Variants in GLIS1 observed in about 807,000 individuals in gnomAD.
The protein encoded by GLIS1 is GLIS family zinc finger 1.
GLIS1 carries 24 observed loss-of-function variants against 63.8 expected under a neutral mutation model. The observed-to-expected ratio is 0.38, with a 90% confidence interval of 0.27 to 0.53. The LOEUF is 0.53. GLIS1 is among the 20% of genes least tolerant of loss of function. The probability of loss-of-function intolerance (pLI) is 0.85; values close to 1 mark genes in which losing one functional copy is unlikely to be tolerated. For missense variants in GLIS1, 1,036 were observed against 1,074.1 expected, an observed-to-expected ratio of 0.96 and a Z score of 0.50; for synonymous variants, 450 against 482.5, an observed-to-expected ratio of 0.93 and a Z score of 0.88.
chr1:53,627,324 C>G (rs1015783696), intron 2 of GLIS1, among the ~76,000 whole-genome samples: 1 of 152,170 alleles, frequency 6.6e-6, no homozygotes, highest in African/African-American at 2.4e-5. Flanking sequence ...TTTAAAGTCA[C>G]CTAAGGCAGT....
intron 2 of GLIS1, among the ~76,000 whole-genome samples, chr1:53,655,981 C>G (rs566054564): frequency 6.6e-6 from 1 of 152,298 alleles, no homozygotes; most frequent in African/African-American, 2.4e-5. Context: ...AGCTTGGGCC[C>G]AAACCCAGGA....
intron 2 of GLIS1, among the ~76,000 whole-genome samples, chr1:53,620,755 C>T (rs562552807): frequency 6.6e-6 from 1 of 152,290 alleles, no homozygotes; most frequent in African/African-American, 2.4e-5. Flanking sequence ...AATCCCGGAG[C>T]CAGGCTGGAG....
At chr1:53,556,565 G>GC (rs1553123488) in intron 4 of GLIS1, among the ~76,000 whole-genome samples, 1 of 38,572 alleles carries the variant, frequency 2.6e-5, no homozygotes, top group Non-Finnish European at 3.9e-5. Flanking sequence ...GTGTACTGCA[G>GC]GGGTGTGTGT....
At chr1:53,530,951 C>T (rs1223175264) in intron 4 of GLIS1, among the ~76,000 whole-genome samples, 1 of 152,202 alleles carries the variant, frequency 6.6e-6, no homozygotes, top group East Asian at 1.9e-4. Flanking sequence ...CCTGCTACAT[C>T]CAGGTGTGGT....
intron 2 of GLIS1, among the ~76,000 whole-genome samples, chr1:53,614,174 C>T (rs1300488085): frequency 6.6e-6 from 1 of 152,182 alleles, no homozygotes; most frequent in African/African-American, 2.4e-5. Flanking sequence ...AGTCTCTACT[C>T]TTATGCGGTT....
intron 6 of GLIS1, among the ~76,000 whole-genome samples, chr1:53,521,113 T>A (rs1392956227): frequency 2.0e-5 from 3 of 151,670 alleles, no homozygotes; most frequent in African/African-American, 4.8e-5. Context: ...ACTCAGGGAG[T>A]CCTCAGCAGC....
intron 10 of GLIS1, 122 bp downstream of exon 10, chr1:53,508,998 A>G: frequency 1.0e-6 from 1 of 977,188 alleles, no homozygotes; most frequent in South Asian, 1.9e-5. Context: ...CCCCTCTGTA[A>G]AGTGGGGATG....
At chr1:53,684,417 T>C (rs1163257866) in intron 2 of GLIS1, among the ~76,000 whole-genome samples, 2 of 152,128 alleles carry the variant, frequency 1.3e-5, no homozygotes, top group African/African-American at 4.8e-5. Context: ...TCCTGGGCTT[T>C]TTGTGGTCAG....
At chr1:53,687,113 T>C (rs1646345576) in intron 2 of GLIS1, among the ~76,000 whole-genome samples, 1 of 152,070 alleles carries the variant, frequency 6.6e-6, no homozygotes, top group South Asian at 2.1e-4. Flanking sequence ...GAACCCGGAA[T>C]CTCCTGAAGT....
Position 53,594,241 on chromosome 1 carries a change from A to C in GLIS1, c.1187T>G (p.Ile396Ser). ...GAAGTCCTCGCCCTTGCGCTGGTCG[A>C]TGTGGCTCTTCTCGATGTGCCGCAC... is the stretch of plus-strand genomic sequence containing the variant. Reference protein sequence around the residue: ...ELVRHIEKSHIDQRKGEDFTC... With the variant: ...ELVRHIEKSHSDQRKGEDFTC... Residue 396 changes from isoleucine (I) to serine (S), a missense_variant, in exon 4 of 11, where the codon ATC (isoleucine) becomes AGC (serine). Transcript: ENST00000628545. 1 of 1,613,758 alleles carries C rather than the reference A, an allele frequency of 6.2e-7. No individual in the cohort carries two copies. Among genetic ancestry groups the C allele is most frequent in the Non-Finnish European group, 8.5e-7 (1 of 1,179,966 alleles).
chr1:53,705,784 T>G (rs1646573233), intron 2 of GLIS1, among the ~76,000 whole-genome samples: 1 of 152,154 alleles, frequency 6.6e-6, no homozygotes, highest in African/African-American at 2.4e-5. Flanking sequence ...CTTTTTATAT[T>G]TACCCAAATC....
rs1305813549 is a variant in GLIS1, at chr1:53,574,222, T to C, written c.1320+19886A>G. On this transcript the variant is annotated intron_variant, in intron 4 of 10. Coordinates refer to ENST00000628545, the MANE Select transcript of GLIS1 (RefSeq NM_001367484.1). The surrounding 1 kb of genome is among the most constrained non-coding windows in gnomAD (Gnocchi z 4.2). ...AGCTCTGAGCCTCAGTTTCCACACATATCACTGGGCCTTTGGTCAGCTTCC... is the reference window on the plus strand; with the variant it reads ...AGCTCTGAGCCTCAGTTTCCACACACATCACTGGGCCTTTGGTCAGCTTCC... Among the ~76,000 whole-genome samples the C allele has an allele frequency of 6.6e-6, 1 of 152,108 alleles. No individual in the cohort carries two copies. Among genetic ancestry groups the C allele is most frequent in the Non-Finnish European group, 1.5e-5 (1 of 68,006 alleles).
At chr1:53,607,122 T>C (rs935418789) in intron 2 of GLIS1, among the ~76,000 whole-genome samples, 1 of 69,638 alleles carries the variant, frequency 1.4e-5, no homozygotes, top group African/African-American at 4.3e-5. Flanking sequence ...TCAGAAGGTG[T>C]ACCTAGGCAA....
At chr1:53,529,576 T>G (rs1644507584) in intron 5 of GLIS1, among the ~76,000 whole-genome samples, 1 of 151,712 alleles carries the variant, frequency 6.6e-6, no homozygotes, top group Admixed American at 6.6e-5. Context: ...CGACTGGGAG[T>G]GGGAACATTG....
At chr1:53,661,567 G>T (rs922533693) in intron 2 of GLIS1, among the ~76,000 whole-genome samples, 7 of 152,212 alleles carry the variant, frequency 4.6e-5, no homozygotes, top group African/African-American at 2.4e-5. Context: ...GAGGCGTGGG[G>T]AGGACGTGAT....
chr1:53,582,394 C>G (rs780833631), intron 4 of GLIS1, among the ~76,000 whole-genome samples: 16 of 152,212 alleles, frequency 1.1e-4, no homozygotes, highest in Non-Finnish European at 1.6e-4. Context: ...CCCAGCAGCT[C>G]TTTGTGAATC....
chr1:53,542,399 G>A (rs112377854), intron 4 of GLIS1, among the ~76,000 whole-genome samples: 4 of 152,332 alleles, frequency 2.6e-5, no homozygotes, highest in African/African-American at 4.8e-5. Flanking sequence ...TGATGTTTCC[G>A]CCATAAACCC....
chr1:53,509,408 G>T, intron 9 of GLIS1, 121 bp from the exon 10 acceptor site: 1 of 1,078,786 alleles, frequency 9.3e-7, no homozygotes, highest in East Asian at 2.7e-5. Context: ...GTGGGTGTGA[G>T]AGAGAGAGGA....
chr1:53,696,692 G>A lies in GLIS1; in HGVS notation c.259+41114C>T, dbSNP rs541246574. Among the ~76,000 whole-genome samples the A allele has an allele frequency of 2.0e-5, 3 of 151,824 alleles. No homozygotes were observed. The South Asian group carries it at 6.2e-4, about 32-fold the overall frequency. ...GTGCCCTTCCGTGCAGCCAAGCAGA[G>A]CTCACTGCTGTCCTCATACGTGCTG... On this transcript the variant is annotated intron_variant, in intron 2 of 10. Coordinates refer to ENST00000628545, the MANE Select transcript of GLIS1 (RefSeq NM_001367484.1).
Sources: allele counts gnomAD v4.1 joint callset (sites outside exome capture counted in the v4.1 genomes callset), GRCh38; gene constraint gnomAD v4.1.1; non-coding constraint Gnocchi (gnomAD v3.1); transcripts MANE v1.5; gene names NCBI Gene and HGNC (gene_info 2026-07-23, HGNC 2026-07-21).